C2CD2: variants seen among roughly 807,000 people sequenced by gnomAD.
C2CD2 encodes the protein C2 domain-containing protein 2.
A neutral mutation model predicts 74.3 loss-of-function variants in C2CD2; 43 were observed. The ratio of observed to expected loss-of-function variants is 0.58; its 90% CI spans 0.45 to 0.75. The LOEUF is 0.75. C2CD2 is among the 30% of genes least tolerant of loss of function. The pLI, the probability that C2CD2 is intolerant of heterozygous loss-of-function variation, is 0.00. For synonymous variants in C2CD2, 422 were observed against 390.7 expected (o/e 1.08, Z -0.94); for missense variants, 801 against 916.3 (o/e 0.87, Z 1.63).
rs561498816 is a variant in C2CD2 at position 41,899,515 on chromosome 21, A to C, written c.1561-153T>G. Among the ~76,000 whole-genome samples the C allele has an allele frequency of 9.2e-5, 14 of 152,312 alleles. No homozygotes were observed. Among genetic ancestry groups the C allele is most frequent in the Non-Finnish European group, 1.9e-4 (13 of 68,020 alleles). On this transcript the variant is annotated intron_variant, in intron 12 of 13. Coordinates refer to ENST00000380486, the MANE Select transcript of C2CD2 (RefSeq NM_015500.2). This position sits in a 1 kb window ranked among gnomAD's most constrained non-coding sequence, Gnocchi z 4.4. ...GCCTCATAGAAGGCGCTTATACATC[A>C]CGGCCGTTGCTCATGCTTGGGTTAA...
intron 2 of C2CD2, among the ~76,000 whole-genome samples, chr21:41,937,087 G>A (rs2146220265): frequency 6.6e-6 from 1 of 151,608 alleles, no homozygotes; most frequent in East Asian, 1.9e-4. Context: ...TCAAAGTGCT[G>A]GGATTATAGG....
rs764194308 is a variant in C2CD2 at position 41,905,869 on chromosome 21, GC to G, written c.1319-33del. On this transcript the variant is annotated intron_variant, in intron 10 of 13. Transcript: ENST00000380486. ...GAGGAAGATCCTGATTACAAAAGCG[GC>G]CCCGTGGCTGACTGGATCAACAGTT... is the stretch of plus-strand genomic sequence containing the variant. 4 of 1,201,548 alleles carry G rather than the reference GC, an allele frequency of 3.3e-6. No individual in the cohort carries two copies. In the Admixed American group the frequency reaches 5.0e-5, roughly 15 times the overall value. 74.4% of individuals were successfully genotyped at this position (1,201,548 alleles called of 1,614,324 possible).
rs2236439 is a variant in C2CD2, at chr21:41,885,966, G to C, written c.*3158C>G. On this transcript the variant is annotated 3_prime_UTR_variant, in exon 14 of 14. Transcript: ENST00000380486. ...AACTCTCACAGCAGGTTTTCAGCTG[G>C]AACAAGGAGATGGCTACTTTTTGTT... The C allele has an allele frequency of 0.25, 37,686 of 152,410 alleles. 5,588 individuals carry two copies. The highest frequency in any genetic ancestry group is 0.41 in the African/African-American group (17,068 of 41,480). 9.4% of individuals were successfully genotyped at this position (152,410 alleles called of 1,614,324 possible). A position where few individuals can be genotyped will look rare whatever the true frequency, so the allele number is the denominator to read the frequency against.
Position 41,919,032 on chromosome 21 carries a change from G to A in C2CD2, c.493-72C>T, listed in dbSNP as rs547128113. On this transcript the variant is annotated intron_variant, in intron 3 of 13. Transcript: ENST00000380486. Reference sequence around the variant, plus strand: ...TTAATGTGCACGTGCGTGTGCATGTGACTGTGTGAGCATGTGTGTGTGCAT... The same window carrying A: ...TTAATGTGCACGTGCGTGTGCATGTAACTGTGTGAGCATGTGTGTGTGCAT... 662 of 1,013,236 alleles carry A rather than the reference G, an allele frequency of 6.5e-4. 1 individual carries two copies. The highest frequency in any genetic ancestry group is 8.8e-4 in the Non-Finnish European group (567 of 647,028). The allele number at this position is 1,013,236 out of a possible 1,614,324, so 62.8% of individuals were successfully genotyped here. A position where few individuals can be genotyped will look rare whatever the true frequency, so the allele number is the denominator to read the frequency against.
rs1366121992 is a variant in C2CD2 at position 41,936,846 on chromosome 21, G to A, written c.378+5301C>T. Among the ~76,000 whole-genome samples, 11 of 122,398 alleles carry A rather than the reference G, an allele frequency of 9.0e-5. No individual in the cohort carries two copies. In the Admixed American group the frequency reaches 1.0e-3, roughly 12 times the overall value. 80.3% of individuals were successfully genotyped at this position (122,398 alleles called of 152,430 possible). Reference sequence around the variant, plus strand: ...TTTTTTTTTTTTTTTTTGAGACGCAGTCTTGCTCTGTTGCCAGGCTGGAGT... The same window carrying A: ...TTTTTTTTTTTTTTTTTGAGACGCAATCTTGCTCTGTTGCCAGGCTGGAGT... On this transcript the variant is annotated intron_variant, in intron 2 of 13. Transcript: ENST00000380486.
At position 41,920,457 on chromosome 21, in the gene C2CD2, G is replaced by T. The variant is rs191702203; in HGVS notation, c.493-1497C>A. Reference sequence around the variant, plus strand: ...GACTCTCACCTCATGCTAGAAGCAGGGTAAGAGAAAAACGATGACTTCTAC... The same window carrying T: ...GACTCTCACCTCATGCTAGAAGCAGTGTAAGAGAAAAACGATGACTTCTAC... On this transcript the variant is annotated intron_variant, in intron 3 of 13. Coordinates refer to ENST00000380486, the MANE Select transcript of C2CD2 (RefSeq NM_015500.2). Among the ~76,000 whole-genome samples, 812 of 152,310 alleles carry T rather than the reference G, an allele frequency of 5.3e-3. 8 individuals carry two copies. The highest frequency in any genetic ancestry group is 8.8e-3 in the Non-Finnish European group (600 of 68,030).
intron 1 of C2CD2, among the ~76,000 whole-genome samples, chr21:41,949,842 CAT>C (rs752409136): frequency 5.5e-4 from 84 of 152,174 alleles, no homozygotes; most frequent in Non-Finnish European, 1.1e-3. Flanking sequence ...TTTGCAGGGA[CAT>C]GGATGAAGCT....
In C2CD2 at chr21:41,900,231, G is replaced by C. The variant is rs146013192; in HGVS notation, c.1561-869C>G. Reference sequence around the variant, plus strand: ...GGAGCTTGCAGTGAGCCGAGATTACGCCACTGCACTCCAGCCTGGGTGACA... The same window carrying C: ...GGAGCTTGCAGTGAGCCGAGATTACCCCACTGCACTCCAGCCTGGGTGACA... On this transcript the variant is annotated intron_variant, in intron 12 of 13. Transcript: ENST00000380486. Among the ~76,000 whole-genome samples the C allele has an allele frequency of 5.6e-3, 855 of 152,170 alleles. 11 individuals carry two copies. The highest frequency in any genetic ancestry group is 0.019 in the African/African-American group (775 of 41,502).
rs1306157431 is a variant in C2CD2, at chr21:41,924,154, TACTC to T, written c.379-2073_379-2070del. 2.0e-5 allele frequency among the ~76,000 whole-genome samples: 3 copies of T among 152,300 alleles called. No homozygotes were observed. In the East Asian group the frequency reaches 5.8e-4, roughly 29 times the overall value. On this transcript the variant is annotated intron_variant, in intron 2 of 13. Coordinates refer to ENST00000380486, the MANE Select transcript of C2CD2 (RefSeq NM_015500.2). This position sits in a 1 kb window ranked among gnomAD's most constrained non-coding sequence, Gnocchi z 4.4. ...CAAATGGAAAGATTATCAAAATAAT[TACTC>T]AGTCAGGGCCTGCTATTCCCCCAAG...
At chr21:41,931,216 C>T (rs1041855858) in intron 2 of C2CD2, among the ~76,000 whole-genome samples, 2 of 150,326 alleles carry the variant, frequency 1.3e-5, no homozygotes, top group South Asian at 2.1e-4. Flanking sequence ...TCACAGCAGC[C>T]GTGGGCAGGA....
chr21:41,922,313 C>A (rs768367797), intron 2 of C2CD2, among the ~76,000 whole-genome samples: 29 of 152,070 alleles, frequency 1.9e-4, no homozygotes, highest in African/African-American at 5.5e-4. Flanking sequence ...GGTGTGCCCC[C>A]ACACCCACCT....
intron 13 of C2CD2, among the ~76,000 whole-genome samples, chr21:41,896,182 G>A (rs1447814858): frequency 1.3e-5 from 2 of 152,172 alleles, no homozygotes; most frequent in Non-Finnish European, 2.9e-5. Flanking sequence ...GTGTAATTGA[G>A]AAAAATAAGA....
At chr21:41,948,221 C>G (rs1041706926) in intron 1 of C2CD2, among the ~76,000 whole-genome samples, 1 of 152,240 alleles carries the variant, frequency 6.6e-6, no homozygotes, top group African/African-American at 2.4e-5. Flanking sequence ...GGCATCACCA[C>G]TGTTTCTCCT....
At chr21:41,925,869 G>A (rs759320807) in intron 2 of C2CD2, among the ~76,000 whole-genome samples, 1 of 152,130 alleles carries the variant, frequency 6.6e-6, no homozygotes, top group Non-Finnish European at 1.5e-5. Context: ...CCACGAGTGG[G>A]TAGAGACCCT....
At position 41,924,607 on chromosome 21, in the gene C2CD2, C is replaced by T. The variant is rs749666903; in HGVS notation, c.379-2522G>A. On this transcript the variant is annotated intron_variant, in intron 2 of 13. Transcript: ENST00000380486. The surrounding 1 kb of genome is among the most constrained non-coding windows in gnomAD (Gnocchi z 4.4). ...CTTTACGGAGGAACATGCTTTGTGG[C>T]CAGATGAGTTACACGCACCAATGGC... 1.1e-4 allele frequency among the ~76,000 whole-genome samples: 17 copies of T among 152,140 alleles called. No individual in the cohort carries two copies. Among genetic ancestry groups the T allele is most frequent in the Non-Finnish European group, 1.5e-4 (10 of 68,030 alleles).
intron 5 of C2CD2, among the ~76,000 whole-genome samples, chr21:41,915,893 G>A (rs78788568): frequency 0.014 from 2,094 of 152,240 alleles, 48 homozygotes; most frequent in African/African-American, 0.046. Flanking sequence ...GGACCCAGAC[G>A]GGCTTCTCGG....
Position 41,926,371 on chromosome 21 carries a change from T to C in C2CD2, c.379-4286A>G. The C allele has an allele frequency of 1.1e-6, 1 of 946,266 alleles. No individual in the cohort carries two copies. The highest frequency in any genetic ancestry group is 1.3e-6 in the Non-Finnish European group (1 of 794,386). 58.6% of individuals were successfully genotyped at this position (946,266 alleles called of 1,614,324 possible). A position where few individuals can be genotyped will look rare whatever the true frequency, so the allele number is the denominator to read the frequency against. ...GGGGGCTATTCACGGTAAGTCAGGG[T>C]CTCCACATGGAAAGGCCAAGGGGGG... On this transcript the variant is annotated intron_variant, in intron 2 of 13. Transcript: ENST00000380486. This position sits in a 1 kb window ranked among gnomAD's most constrained non-coding sequence, Gnocchi z 8.0.
Position 41,907,753 on chromosome 21 carries a change from G to A in C2CD2, c.1050C>T (p.Asp350=). ...GCCCAGAAGGCTGCTTCTTAAATAA[G>A]TCCAGAGGAACTGTCGCCGTCGCCA... ...GLLATATVPL[D]LFKKQPSGPQ... The change falls in exon 9 of 14, where the codon GAC becomes GAT. Residue 350 remains aspartate (D), a synonymous_variant. Transcript: ENST00000380486. 1.2e-6 allele frequency: 2 copies of A among 1,613,844 alleles called. No homozygotes were observed. The highest frequency in any genetic ancestry group is 1.7e-6 in the Non-Finnish European group (2 of 1,179,900).
In C2CD2 at chr21:41,953,501, C is replaced by T; in HGVS notation, c.148G>A (p.Val50Met). The T allele has an allele frequency of 6.7e-7, 1 of 1,483,282 alleles. No individual in the cohort carries two copies. The highest frequency in any genetic ancestry group is 9.0e-7 in the Non-Finnish European group (1 of 1,116,884). The allele number at this position is 1,483,282 out of a possible 1,614,324, so 91.9% of individuals were successfully genotyped here. The change falls in exon 1 of 14, where the codon GTG becomes ATG. Residue 50 changes from valine to methionine, a missense_variant. Transcript: ENST00000380486. ...GGGCGCGGCCCCTCTCCAGGCTCCA[C>T]CGCCCGCCGCTGGGGCTGGGGTCGC... is the stretch of plus-strand genomic sequence containing the variant. ...RARPQPQRRA[V>M]EPGEGPRPGS...
Sources: allele counts gnomAD v4.1 joint callset (sites outside exome capture counted in the v4.1 genomes callset), GRCh38; gene constraint gnomAD v4.1.1; non-coding constraint Gnocchi (gnomAD v3.1); transcripts MANE v1.5; gene names NCBI Gene and HGNC (gene_info 2026-07-23, HGNC 2026-07-21).